TJP1: variants seen among roughly 807,000 people sequenced by gnomAD.
TJP1 encodes tight junction protein ZO-1.
Under a neutral mutation model 194.2 loss-of-function variants are expected in TJP1, and 43 were observed. The ratio of observed to expected loss-of-function variants is 0.22; its 90% CI spans 0.17 to 0.29. The LOEUF is 0.29. Among genes scored for constraint, TJP1 ranks in the 10% least tolerant of loss-of-function variants. The pLI, the probability that TJP1 is intolerant of heterozygous loss-of-function variation, is 1.00. For missense variants in TJP1, 1,971 were observed against 2,185.7 expected (o/e 0.90, Z 1.96); for synonymous variants, 801 against 779.0 (o/e 1.03, Z -0.47).
At chr15:29,822,619 G>T, upstream of TJP1, 1 of 383,876 alleles carries the variant, frequency 2.6e-6, no homozygotes, top group Non-Finnish European at 3.6e-6. Flanking sequence ...AGCGCGGAAG[G>T]AAAAGCCGGG....
At chr15:29,801,729 G>A (rs1179148749) in intron 1 of TJP1, among the ~76,000 whole-genome samples, 1 of 151,968 alleles carries the variant, frequency 6.6e-6, no homozygotes, top group South Asian at 2.1e-4. Context: ...CCAAAGTGCT[G>A]GGATTACAGG....
chr15:29,751,366 C>CT (rs1345507407), intron 8 of TJP1, among the ~76,000 whole-genome samples: 3 of 152,212 alleles, frequency 2.0e-5, no homozygotes, highest in East Asian at 1.9e-4. Flanking sequence ...CTGAAAAAAT[C>CT]TGAGTCTATT....
intron 8 of TJP1, chr15:29,759,458 ATAGT>A (rs1344865911): frequency 2.6e-5 from 4 of 152,152 alleles, no homozygotes; most frequent in African/African-American, 9.7e-5. Flanking sequence ...TCCATACCTC[ATAGT>A]TACTTTTCTT....
At position 29,784,036 on chromosome 15, in the gene TJP1, A is replaced by G. The variant is rs75713444; in HGVS notation, c.85-10679T>C. Among the ~76,000 whole-genome samples the G allele has an allele frequency of 4.0e-3, 612 of 152,310 alleles. 16 individuals are homozygous for G. The East Asian group carries it at 0.076, about 19-fold the overall frequency. On this transcript the variant is annotated intron_variant, in intron 2 of 27. Coordinates refer to ENST00000614355, the MANE Select transcript of TJP1 (RefSeq NM_001330239.4). ...AAAGGATTTGAGGAACATTACAAAC[A>G]CTAAAGACAAGCAAAAGCAGCATGA...
At chr15:29,939,933 A>G (rs2055010506) in intron 2 of TJP1, among the ~76,000 whole-genome samples, 1 of 151,348 alleles carries the variant, frequency 6.6e-6, no homozygotes, top group Non-Finnish European at 1.5e-5. Context: ...TAACCCCCCA[A>G]CCCCCCAGTT....
chr15:29,872,092 A>G (rs967063288), intron 2 of TJP1, among the ~76,000 whole-genome samples: 1 of 152,214 alleles, frequency 6.6e-6, no homozygotes, highest in African/African-American at 2.4e-5. Context: ...AGCGGGGGAC[A>G]CAATGGTGAC....
rs2052257172 is a variant in TJP1 at position 29,865,164 on chromosome 15, T to G, written c.307-64462A>C. ...AAACTATTCAAGGACAAGAATAGAC[T>G]GTTTTTCTTGGTTTTAGCTACACAA... is the stretch of plus-strand genomic sequence containing the variant. On this transcript the variant is annotated intron_variant, in intron 2 of 28. Coordinates refer to the TJP1 transcript ENST00000356107. Among the ~76,000 whole-genome samples, 3 of 152,218 alleles carry G rather than the reference T, an allele frequency of 2.0e-5. 1 individual carries two copies. The highest frequency in any genetic ancestry group is 4.4e-5 in the Non-Finnish European group (3 of 68,040).
At chr15:29,924,831 GT>G (rs1398317879) in intron 2 of TJP1, among the ~76,000 whole-genome samples, 1 of 152,222 alleles carries the variant, frequency 6.6e-6, no homozygotes, top group Non-Finnish European at 1.5e-5. Flanking sequence ...GCAGTTAGCT[GT>G]TATCTAAGGA....
At chr15:29,838,213 C>A (rs564511381) in intron 2 of TJP1, among the ~76,000 whole-genome samples, 25 of 152,310 alleles carry the variant, frequency 1.6e-4, no homozygotes, top group African/African-American at 6.0e-4. Flanking sequence ...TCACTGGAGG[C>A]CATGAGTTCA....
intron 2 of TJP1, among the ~76,000 whole-genome samples, chr15:29,775,063 T>C (rs2046930157): frequency 6.6e-6 from 1 of 152,216 alleles, no homozygotes; most frequent in South Asian, 2.1e-4. Context: ...TTTGCCATCC[T>C]GCTACGTCCC....
rs534187199 is a variant in TJP1, at chr15:29,953,180, C to T, written c.306+3052G>A. 1.1e-3 allele frequency among the ~76,000 whole-genome samples: 139 copies of T among 122,282 alleles called. 1 individual carries two copies. Among genetic ancestry groups the T allele is most frequent in the Admixed American group, 4.1e-3 (41 of 10,064 alleles). The allele number at this position is 122,282 out of a possible 152,430, so 80.2% of individuals were successfully genotyped here. A position where few individuals can be genotyped will look rare whatever the true frequency, so the allele number is the denominator to read the frequency against. On this transcript the variant is annotated intron_variant, in intron 2 of 28. Coordinates refer to the TJP1 transcript ENST00000356107. ...TTTTTGCAACGGAGTCTCGCTCTGT[C>T]GTCCAGACTGGAGTGCGGTGGCACC...
At chr15:29,914,089 T>C (rs990589093) in intron 2 of TJP1, among the ~76,000 whole-genome samples, 1 of 152,130 alleles carries the variant, frequency 6.6e-6, no homozygotes, top group African/African-American at 2.4e-5. Context: ...ACATATAGTA[T>C]TGGAATAAGC....
intron 8 of TJP1, among the ~76,000 whole-genome samples, chr15:29,746,450 T>G (rs1483936357): frequency 6.6e-6 from 1 of 151,452 alleles, no homozygotes; most frequent in Non-Finnish European, 1.5e-5. Flanking sequence ...AGAATACATA[T>G]AGCAGGATAC....
intron 22 of TJP1, 54 bp downstream of exon 22, chr15:29,717,967 G>C (rs779571135): frequency 3.4e-6 from 5 of 1,457,890 alleles, no homozygotes; most frequent in Non-Finnish European, 4.7e-6. Flanking sequence ...TATTGACTAA[G>C]AGGGTTAAAT....
At chr15:29,778,370 C>T (rs1294543734) in intron 2 of TJP1, among the ~76,000 whole-genome samples, 5 of 151,900 alleles carry the variant, frequency 3.3e-5, no homozygotes, top group Non-Finnish European at 1.5e-5. Flanking sequence ...TTCTAATGAG[C>T]AGCCAGGAAC....
chr15:29,898,695 C>G (rs1378700519), intron 2 of TJP1, among the ~76,000 whole-genome samples: 1 of 152,184 alleles, frequency 6.6e-6, no homozygotes, highest in Non-Finnish European at 1.5e-5. Context: ...AAAGGATGTT[C>G]ATCAGAGCAT....
In TJP1 at chr15:29,704,247, C is replaced by A; in HGVS notation, c.5127G>T (p.Lys1709Asn). ...AGTGTGGTAAGCGCAGCTCCACAGG[C>A]TTCAGGAACTTGAGGCCATGGGGAC... The part of the protein sequence containing the change: ...MCGPHGLKFL[K>N]PVELRLPHCA... Residue 1709 changes from lysine (K) to asparagine (N), a missense_variant, in exon 27 of 28, where the codon AAG becomes AAT. By Grantham distance (94) the Lys-to-Asn change is moderately conservative. Around this residue, in one of 5 missense-constraint regions of TJP1, gnomAD observed 1,108 missense variants for 1,128.5 expected, o/e 0.98. Transcript: ENST00000614355. The A allele has an allele frequency of 6.3e-7, 1 of 1,597,460 alleles. No homozygotes were observed. The highest frequency in any genetic ancestry group is 8.5e-7 in the Non-Finnish European group (1 of 1,172,248).
At chr15:29,841,583 G>T (rs1047571437) in intron 2 of TJP1, among the ~76,000 whole-genome samples, 2 of 152,130 alleles carry the variant, frequency 1.3e-5, no homozygotes, top group African/African-American at 4.8e-5. Flanking sequence ...ATTTAGTGAT[G>T]TCTTGTCATG....
chr15:29,712,093 T>C (rs1461947671), intron 23 of TJP1, among the ~76,000 whole-genome samples: 1 of 152,218 alleles, frequency 6.6e-6, no homozygotes, highest in African/African-American at 2.4e-5. Flanking sequence ...AGACCCATAA[T>C]TGCAACATTG....
Sources: gnomAD v4.1 joint callset for allele counts (sites outside exome capture counted in the v4.1 genomes callset) on GRCh38, gnomAD v4.1.1 for gene constraint, gnomAD v4.1.1 regional missense constraint, MANE v1.5 for transcripts, NCBI Gene and HGNC (gene_info 2026-07-23, HGNC 2026-07-21) for gene names.